The following BPHL variants were observed in gnomAD, a reference collection of about 807,000 sequenced individuals.
The protein encoded by BPHL is serine hydrolase BPHL.
Under a neutral mutation model 31.2 loss-of-function variants are expected in BPHL, and 27 were observed. The ratio of observed to expected loss-of-function variants is 0.87; its 90% CI spans 0.64 to 1.19. The LOEUF (loss-of-function observed/expected upper bound fraction) is 1.19, where lower values mean the gene tolerates loss of function less well. Ranked by LOEUF, BPHL falls within the 50% of genes most tolerant of loss-of-function variation. The pLI, the probability that BPHL is intolerant of heterozygous loss-of-function variation, is 0.00. For synonymous variants in BPHL, 150 were observed against 146.8 expected (o/e 1.02, Z -0.16); for missense variants, 356 against 375.7 (o/e 0.95, Z 0.43).
At chr6:3,152,369 G>C in intron 6 of BPHL, 119 bp from the exon 7 acceptor site, 1 of 798,292 alleles carries the variant, frequency 1.3e-6, no homozygotes, top group East Asian at 2.6e-5. Flanking sequence ...CTCGATAGTG[G>C]TCATGGGGGA....
chr6:3,137,470 G>A lies in BPHL; in HGVS notation c.641G>A (p.Arg214Lys), dbSNP rs1449447169. The stretch of plus-strand genomic sequence containing the variant: ...TGTGAAAAGTGGGTGGATGGCATAA[G>A]ACAGTTTAAACATCTCCCAGATGGT... The part of the protein sequence containing the change: ...RTCEKWVDGI[R>K]QFKHLPDGNI... Residue 214 changes from arginine to lysine, a missense_variant, in exon 5 of 7, where the codon AGA (arginine) becomes AAA (lysine). Physicochemically the swap from Arg to Lys is conservative, Grantham distance 26. Transcript: ENST00000380379. 2 of 1,613,634 alleles carry A rather than the reference G, an allele frequency of 1.2e-6. No homozygotes were observed. The highest frequency in any genetic ancestry group is 1.1e-5 in the South Asian group (1 of 91,018).
At chr6:3,120,065 C>T (rs1262345494) in intron 1 of BPHL, among the ~76,000 whole-genome samples, 3 of 151,602 alleles carry the variant, frequency 2.0e-5, no homozygotes, top group Non-Finnish European at 4.4e-5. Context: ...GACTGACTCT[C>T]GCTCTTTTGC....
intron 6 of BPHL, among the ~76,000 whole-genome samples, chr6:3,142,764 G>A (rs1474085509): frequency 1.3e-5 from 2 of 152,160 alleles, no homozygotes; most frequent in African/African-American, 4.8e-5. Context: ...CTGGTTAATT[G>A]TCTTCCAGCT....
At chr6:3,144,314 G>A (rs1055238788) in intron 6 of BPHL, among the ~76,000 whole-genome samples, 3 of 151,420 alleles carry the variant, frequency 2.0e-5, no homozygotes, top group Non-Finnish European at 2.9e-5. Flanking sequence ...TGATGCACCC[G>A]CCTCGGCCTC....
intron 1 of BPHL, among the ~76,000 whole-genome samples, chr6:3,121,081 C>T (rs1193390961): frequency 6.6e-6 from 1 of 152,014 alleles, no homozygotes; most frequent in African/African-American, 2.4e-5. Context: ...AATGTAAAAG[C>T]CTGGGGATAT....
intron 3 of BPHL, among the ~76,000 whole-genome samples, chr6:3,128,030 C>T (rs922241213): frequency 5.3e-5 from 8 of 152,038 alleles, no homozygotes; most frequent in Non-Finnish European, 1.0e-4. Flanking sequence ...CGCATTAGTC[C>T]GGATGGTCTC....
At position 3,128,989 on chromosome 6, in the gene BPHL, T is replaced by A. The variant is rs893233321; in HGVS notation, c.379-56T>A. 14 of 1,610,046 alleles carry A rather than the reference T, an allele frequency of 8.7e-6. No homozygotes were observed. The African/African-American group carries it at 1.9e-4, about 22-fold the overall frequency. ...GATTCTGATAATTAGTGATTCAGTT[T>A]CTTTTAACAGAGAGGAGCAATAACC... is the stretch of plus-strand genomic sequence containing the variant. On this transcript the variant is annotated intron_variant, in intron 3 of 6. Transcript: ENST00000380379.
intron 6 of BPHL, among the ~76,000 whole-genome samples, chr6:3,144,774 G>C (rs1413818736): frequency 1.3e-5 from 2 of 152,168 alleles, no homozygotes; most frequent in African/African-American, 4.8e-5. Context: ...CCAGGATGTG[G>C]TCTAGAGCAT....
Position 3,149,696 on chromosome 6 carries a change from G to A in BPHL, c.789-2792G>A, listed in dbSNP as rs1160056438. Among the ~76,000 whole-genome samples the A allele has an allele frequency of 6.6e-6, 1 of 152,144 alleles. No homozygotes were observed. The highest frequency in any genetic ancestry group is 2.4e-5 in the African/African-American group (1 of 41,432). On this transcript the variant is annotated intron_variant, in intron 6 of 6. Transcript: ENST00000380379. The surrounding 1 kb of genome is among the most constrained non-coding windows in gnomAD (Gnocchi z 4.6). ...TGCCCGGGCTGGAGTGCAGTGGCGG[G>A]ATCTCGGCTCACTGCAACCTCCGCC...
At chr6:3,120,292 C>T (rs896583246) in intron 1 of BPHL, among the ~76,000 whole-genome samples, 2 of 152,152 alleles carry the variant, frequency 1.3e-5, no homozygotes, top group African/African-American at 2.4e-5. Flanking sequence ...GCCTCAGCCT[C>T]CCAAAGTGCT....
intron 1 of BPHL, 137 bp downstream of exon 1, chr6:3,118,984 T>C: frequency 1.3e-6 from 1 of 769,630 alleles, no homozygotes; most frequent in Non-Finnish European, 1.8e-6. Flanking sequence ...CCTGTCGCCC[T>C]TTGTGCCGCG....
chr6:3,119,384 A>G, intron 1 of BPHL: 2 of 1,596,600 alleles, frequency 1.3e-6, no homozygotes, highest in Non-Finnish European at 1.7e-6. Context: ...AATGTGCAAA[A>G]GAATCACGTT....
At position 3,140,512 on chromosome 6, in the gene BPHL, A is replaced by T. The variant is rs371966936; in HGVS notation, c.788+3A>T. On this transcript the variant is annotated splice_donor_region_variant and intron_variant, in intron 6 of 6. Coordinates refer to ENST00000380379, the MANE Select transcript of BPHL (RefSeq NM_004332.4). This position sits in a 1 kb window ranked among gnomAD's most constrained non-coding sequence, Gnocchi z 5.2. ...CATAAGCACGTGAAAGGCTCACGGT[A>T]AGTCCTGTCACCGCCTTCACACTCC... 2.5e-6 allele frequency: 4 copies of T among 1,613,748 alleles called. No individual in the cohort carries two copies. In the African/African-American group the frequency reaches 5.3e-5, roughly 22 times the overall value.
intron 6 of BPHL, among the ~76,000 whole-genome samples, chr6:3,144,367 T>G (rs1007497027): frequency 7.9e-5 from 8 of 101,462 alleles, no homozygotes; most frequent in East Asian, 4.9e-4. Flanking sequence ...GCACTTGGCC[T>G]TCTTCTTTTT....
chr6:3,144,253 G>T (rs1303181536), intron 6 of BPHL, among the ~76,000 whole-genome samples: 2 of 152,052 alleles, frequency 1.3e-5, no homozygotes, highest in African/African-American at 4.8e-5. Flanking sequence ...ATTTTTAGTG[G>T]AGACGGGGTT....
chr6:3,133,638 C>T (rs557095293), intron 4 of BPHL, among the ~76,000 whole-genome samples: 54 of 152,170 alleles, frequency 3.5e-4, no homozygotes, highest in African/African-American at 1.2e-3. Context: ...GGGCCCTTCC[C>T]GCTCCCTTCC....
Position 3,140,210 on chromosome 6 carries a change from G to A in BPHL, c.665-176G>A, listed in dbSNP as rs1000052060. The A allele has an allele frequency of 2.8e-6, 2 of 716,056 alleles. No homozygotes were observed. The highest frequency in any genetic ancestry group is 2.2e-6 in the Non-Finnish European group (1 of 457,608). The allele number at this position is 716,056 out of a possible 1,614,324, so 44.4% of individuals were successfully genotyped here. A position where few individuals can be genotyped will look rare whatever the true frequency, so the allele number is the denominator to read the frequency against. On this transcript the variant is annotated intron_variant, in intron 5 of 6. Transcript: ENST00000380379. This position sits in a 1 kb window ranked among gnomAD's most constrained non-coding sequence, Gnocchi z 5.2. Reference sequence around the variant, plus strand: ...AAGAAACAGAGAGAAACAGAAAAGGGAACCCAAAGAATGTTAGAGCTGGAA... The same window carrying A: ...AAGAAACAGAGAGAAACAGAAAAGGAAACCCAAAGAATGTTAGAGCTGGAA...
At position 3,149,354 on chromosome 6, in the gene BPHL, T is replaced by C. The variant is rs1762462030; in HGVS notation, c.789-3134T>C. On this transcript the variant is annotated intron_variant, in intron 6 of 6. Coordinates refer to ENST00000380379, the MANE Select transcript of BPHL (RefSeq NM_004332.4). The surrounding 1 kb of genome is among the most constrained non-coding windows in gnomAD (Gnocchi z 4.6). ...AAAGGCTTTGTCCTCCACACACCAC[T>C]TAAAAGCACCAACCCAGCAGCCCGA... is the stretch of plus-strand genomic sequence containing the variant. Among the ~76,000 whole-genome samples the C allele has an allele frequency of 1.6e-5, 1 of 63,806 alleles. No individual in the cohort carries two copies. Among genetic ancestry groups the C allele is most frequent in the African/African-American group, 1.0e-4 (1 of 9,548 alleles). The allele number at this position is 63,806 out of a possible 152,430, so 41.9% of individuals were successfully genotyped here. A position where few individuals can be genotyped will look rare whatever the true frequency, so the allele number is the denominator to read the frequency against.
intron 4 of BPHL, among the ~76,000 whole-genome samples, chr6:3,134,537 A>C (rs1355489857): frequency 6.7e-6 from 1 of 148,938 alleles, no homozygotes; most frequent in Admixed American, 6.7e-5. Context: ...CTCAACATCA[A>C]ACTATCCTTC....
Sources: allele counts gnomAD v4.1 joint callset (sites outside exome capture counted in the v4.1 genomes callset), GRCh38; gene constraint gnomAD v4.1.1; non-coding constraint Gnocchi (gnomAD v3.1); transcripts MANE v1.5; gene names NCBI Gene and HGNC (gene_info 2026-07-23, HGNC 2026-07-21).